Variants in TNIP3 observed in about 807,000 individuals in gnomAD.
TNIP3 encodes TNFAIP3 interacting protein 3, also known as TNFAIP3-interacting protein 3.
Under a neutral mutation model 54.1 loss-of-function variants are expected in TNIP3, and 34 were observed. The observed-to-expected ratio is 0.63, with a 90% CI of 0.48 to 0.84. The LOEUF is 0.84. TNIP3 is among the 40% of genes least tolerant of loss of function. The probability of loss-of-function intolerance (pLI) is 0.00; values close to 1 mark genes in which losing one functional copy is unlikely to be tolerated. For missense variants in TNIP3, 366 were observed against 387.6 expected, an observed-to-expected ratio of 0.94 and a Z score of 0.47; for synonymous variants, 134 against 136.8, an observed-to-expected ratio of 0.98 and a Z score of 0.14.
chr4:121,165,659 TTGTGTGTGTGTG>T (rs67730856), upstream of TNIP3, among the ~76,000 whole-genome samples: 2 of 146,710 alleles, frequency 1.4e-5, no homozygotes, highest in East Asian at 2.0e-4. Context: ...TTTTGCTAGT[TTGTGTGTGTGTG>T]TGTGTGTGTG....
intron 3 of TNIP3, among the ~76,000 whole-genome samples, chr4:121,178,018 T>C (rs1298161755): frequency 6.6e-6 from 1 of 152,178 alleles, no homozygotes; most frequent in African/African-American, 2.4e-5. Flanking sequence ...GATCCAAGTG[T>C]GGTGCTTTTA....
At chr4:121,204,649 C>G (rs1054730485) in intron 2 of TNIP3, among the ~76,000 whole-genome samples, 3 of 152,158 alleles carry the variant, frequency 2.0e-5, no homozygotes, top group African/African-American at 7.2e-5. Flanking sequence ...TCACTACAAT[C>G]AATGCACAAT....
chr4:121,137,102 A>G (rs1579363282), intron 10 of TNIP3, among the ~76,000 whole-genome samples: 1 of 152,250 alleles, frequency 6.6e-6, no homozygotes, highest in East Asian at 1.9e-4. Context: ...TAGCTTGTGT[A>G]ATATTGGTCC....
chr4:121,193,408 A>G (rs1456513648), intron 2 of TNIP3, among the ~76,000 whole-genome samples: 1 of 152,212 alleles, frequency 6.6e-6, no homozygotes, highest in Non-Finnish European at 1.5e-5. Context: ...ATTAGAATTC[A>G]TCAAATAAAG....
At chr4:121,196,972 A>G (rs1018945809) in intron 2 of TNIP3, among the ~76,000 whole-genome samples, 28 of 152,294 alleles carry the variant, frequency 1.8e-4, no homozygotes, top group African/African-American at 6.7e-4. Flanking sequence ...AACCATGGGT[A>G]GAATAAGAAT....
chr4:121,183,943 C>T (rs1466614129), intron 2 of TNIP3, among the ~76,000 whole-genome samples: 1 of 152,036 alleles, frequency 6.6e-6, no homozygotes, highest in African/African-American at 2.4e-5. Context: ...ATACAGTGCA[C>T]AATCAATGTA....
intron 3 of TNIP3, among the ~76,000 whole-genome samples, chr4:121,169,554 C>T (rs752937416): frequency 2.6e-5 from 4 of 152,154 alleles, no homozygotes; most frequent in Non-Finnish European, 5.9e-5. Context: ...CTGTGTTTCT[C>T]GAGCCCAAAG....
intron 3 of TNIP3, among the ~76,000 whole-genome samples, chr4:121,181,711 A>G (rs1724718629): frequency 6.6e-6 from 1 of 151,946 alleles, no homozygotes; most frequent in South Asian, 2.1e-4. Context: ...TGGTGAGCCT[A>G]CTGGTGGTTT....
intron 2 of TNIP3, among the ~76,000 whole-genome samples, chr4:121,207,017 C>CA (rs1726228617): frequency 6.6e-6 from 1 of 151,660 alleles, no homozygotes; most frequent in Admixed American, 6.6e-5. Flanking sequence ...ACAGCTAAGG[C>CA]AAAAAAATGT....
intron 5 of TNIP3, 68 bp from the exon 6 acceptor site, chr4:121,150,287 T>C: frequency 1.0e-6 from 1 of 986,462 alleles, no homozygotes; most frequent in Admixed American, 2.1e-5. Context: ...TTTATAATTG[T>C]TACAATCATC....
upstream of TNIP3, among the ~76,000 whole-genome samples, chr4:121,218,891 A>G (rs9985644): frequency 0.12 from 18,006 of 152,062 alleles, 2,717 homozygotes; most frequent in African/African-American, 0.36. Flanking sequence ...GAGAACCAAA[A>G]GATTTACAAT....
At chr4:121,184,134 T>TC (rs1218428052) in intron 2 of TNIP3, among the ~76,000 whole-genome samples, 1 of 152,134 alleles carries the variant, frequency 6.6e-6, no homozygotes, top group Non-Finnish European at 1.5e-5. Flanking sequence ...GATTTTTTTT[T>TC]CTTTCTCTCT....
chr4:121,134,235 G>C (rs1728644405), intron 10 of TNIP3, among the ~76,000 whole-genome samples: 1 of 152,116 alleles, frequency 6.6e-6, no homozygotes. Flanking sequence ...TGGCTCATTA[G>C]ACAAAGCATA....
intron 2 of TNIP3, among the ~76,000 whole-genome samples, chr4:121,199,316 G>A (rs1725759508): frequency 6.6e-6 from 1 of 152,202 alleles, no homozygotes; most frequent in Non-Finnish European, 1.5e-5. Flanking sequence ...AGCACACTAA[G>A]CTTCAAGATA....
chr4:121,170,552 T>C (rs957641134), intron 3 of TNIP3, among the ~76,000 whole-genome samples: 7 of 152,182 alleles, frequency 4.6e-5, no homozygotes, highest in African/African-American at 1.7e-4. Flanking sequence ...ACATGGTCAA[T>C]AGTCTTTAGC....
chr4:121,167,985 TC>T (rs1462991995), upstream of TNIP3, among the ~76,000 whole-genome samples: 1 of 152,136 alleles, frequency 6.6e-6, no homozygotes, highest in Non-Finnish European at 1.5e-5. Context: ...AAACTTGCCT[TC>T]CCTGTTACAA....
At chr4:121,159,132 A>G (rs982675095) in intron 2 of TNIP3, among the ~76,000 whole-genome samples, 1 of 152,188 alleles carries the variant, frequency 6.6e-6, no homozygotes, top group Non-Finnish European at 1.5e-5. Context: ...AGTCCCAGCT[A>G]CTGGGGAGGC....
At chr4:121,181,132 G>A (rs1724672629) in intron 3 of TNIP3, among the ~76,000 whole-genome samples, 1 of 152,156 alleles carries the variant, frequency 6.6e-6, no homozygotes, top group Non-Finnish European at 1.5e-5. Flanking sequence ...ATGTAGAAGA[G>A]GTTTTTACCA....
At chr4:121,173,661 C>A (rs1167345775) in intron 3 of TNIP3, among the ~76,000 whole-genome samples, 1 of 152,170 alleles carries the variant, frequency 6.6e-6, no homozygotes, top group Admixed American at 6.5e-5. Context: ...TGGAATCTGG[C>A]TCTGTTGCCC....
Sources: allele counts gnomAD v4.1 joint callset (sites outside exome capture counted in the v4.1 genomes callset), GRCh38; gene constraint gnomAD v4.1.1; transcripts MANE v1.5; gene names NCBI Gene and HGNC (gene_info 2026-07-23, HGNC 2026-07-21).